The following MTHFD1L variants were observed in gnomAD, a reference collection of about 807,000 sequenced individuals.
MTHFD1L encodes monofunctional C1-tetrahydrofolate synthase, mitochondrial.
MTHFD1L carries 81 observed loss-of-function variants against 119.5 expected under a neutral mutation model. That is an observed-to-expected ratio of 0.68 (90% CI 0.57 to 0.82). The LOEUF (loss-of-function observed/expected upper bound fraction) is 0.82, where lower values mean the gene tolerates loss of function less well. Among genes scored for constraint, MTHFD1L ranks in the 40% least tolerant of loss-of-function variants. The pLI is 0.00. For missense variants in MTHFD1L, 1,125 were observed against 1,253.4 expected, an observed-to-expected ratio of 0.90 and a Z score of 1.55; for synonymous variants, 430 against 475.2, an observed-to-expected ratio of 0.90 and a Z score of 1.24.
In MTHFD1L at chr6:150,905,873, A is replaced by G. The variant is rs1785818672; in HGVS notation, c.892+112A>G. The G allele has an allele frequency of 4.9e-6, 4 of 822,106 alleles. No individual in the cohort carries two copies. The East Asian group carries it at 7.9e-5, about 16-fold the overall frequency. 50.9% of individuals were successfully genotyped at this position (822,106 alleles called of 1,614,324 possible). A position where few individuals can be genotyped will look rare whatever the true frequency, so the allele number is the denominator to read the frequency against. ...TGAAATGTTAGCAGTCGTCAACATT[A>G]ATATATAGGGTAGGAAACTTAGACT... On this transcript the variant is annotated intron_variant, in intron 8 of 27. Coordinates refer to ENST00000367321, the MANE Select transcript of MTHFD1L (RefSeq NM_015440.5).
intron 1 of MTHFD1L, among the ~76,000 whole-genome samples, chr6:150,867,794 C>CTTTTTTTT (rs35396368): frequency 3.1e-4 from 36 of 115,926 alleles, no homozygotes; most frequent in African/African-American, 1.2e-3. Flanking sequence ...CATACATATT[C>CTTTTTTTT]TTTTTTTTTT....
chr6:150,932,771 T>C (rs1791286215), intron 11 of MTHFD1L, among the ~76,000 whole-genome samples: 1 of 109,112 alleles, frequency 9.2e-6, no homozygotes, highest in African/African-American at 4.6e-5. Context: ...TCCATGTGTC[T>C]CCAAAAAAAA....
At chr6:150,941,339 G>A (rs1349254696) in intron 13 of MTHFD1L, among the ~76,000 whole-genome samples, 1 of 152,206 alleles carries the variant, frequency 6.6e-6, no homozygotes, top group Non-Finnish European at 1.5e-5. Flanking sequence ...GCTCTGTCGA[G>A]CGATTGCAAT....
intron 11 of MTHFD1L, among the ~76,000 whole-genome samples, chr6:150,933,393 G>A (rs1791494882): frequency 6.6e-6 from 1 of 151,932 alleles, no homozygotes; most frequent in Admixed American, 6.6e-5. Context: ...ATGCCTGTGG[G>A]CTTTTAACTG....
intron 15 of MTHFD1L, 135 bp downstream of exon 15, chr6:150,945,676 G>A (rs1793811929): frequency 2.7e-6 from 2 of 748,382 alleles, no homozygotes; most frequent in Non-Finnish European, 2.2e-6. Context: ...ACTCTATAGA[G>A]ACCGAACACT....
Position 150,865,933 on chromosome 6 carries a change from A to AGGC in MTHFD1L, c.120_122dup (p.Gly42dup), listed in dbSNP as rs1778218573. The AGGC allele has an allele frequency of 3.2e-5, 38 of 1,205,878 alleles. No individual in the cohort carries two copies. Among genetic ancestry groups the AGGC allele is most frequent in the Non-Finnish European group, 3.9e-5 (38 of 975,060 alleles). 74.7% of individuals were successfully genotyped at this position (1,205,878 alleles called of 1,614,324 possible). ...GTCGCGCTAGCAGCGGCGGCGGCGG[A>AGGC]GGCGGCGGCGGTGGCCGGGAGGGCC... On this transcript the variant is annotated inframe_insertion, in exon 1 of 28. Transcript: ENST00000367321.
At chr6:150,967,655 G>GT (rs1797414661) in intron 19 of MTHFD1L, among the ~76,000 whole-genome samples, 1 of 152,110 alleles carries the variant, frequency 6.6e-6, no homozygotes, top group Admixed American at 6.6e-5. Flanking sequence ...CTAGAGGCCT[G>GT]TTTTCCCTTC....
chr6:150,965,829 C>A (rs1797131187), intron 19 of MTHFD1L, among the ~76,000 whole-genome samples: 2 of 152,020 alleles, frequency 1.3e-5, no homozygotes, highest in Admixed American at 1.3e-4. Flanking sequence ...ACAATAAATG[C>A]CAAGACTTTC....
rs1189154661 is a variant in MTHFD1L at position 151,009,922 on chromosome 6, G to A, written c.2229G>A (p.Thr743=). Residue 743 remains threonine (T), a synonymous_variant, in exon 21 of 28, where the codon ACG becomes ACA. Coordinates refer to ENST00000367321, the MANE Select transcript of MTHFD1L (RefSeq NM_015440.5). ...CCAACGTGGTTGTGTTAGTGGCAAC[G>A]GTGCGAGCTCTGAAGATGCATGGAG... ...LVPNVVVLVA[T]VRALKMHGGG... is the part of the protein sequence containing the mutation. 5.0e-6 allele frequency: 8 copies of A among 1,613,420 alleles called. No homozygotes were observed. The East Asian group carries it at 1.1e-4, about 22-fold the overall frequency.
intron 26 of MTHFD1L, among the ~76,000 whole-genome samples, chr6:151,065,203 G>A (rs1242679735): frequency 6.6e-6 from 1 of 152,186 alleles, no homozygotes; most frequent in Non-Finnish European, 1.5e-5. Flanking sequence ...CTGACAGCTA[G>A]GGGCATGTTA....
At position 150,973,024 on chromosome 6, in the gene MTHFD1L, C is replaced by T. The variant is rs192383863; in HGVS notation, c.2125+966C>T. 2.7e-3 allele frequency among the ~76,000 whole-genome samples: 410 copies of T among 152,340 alleles called. 7 individuals carry two copies. Among genetic ancestry groups the T allele is most frequent in the Admixed American group, 0.021 (327 of 15,298 alleles). On this transcript the variant is annotated intron_variant, in intron 20 of 27. Coordinates refer to ENST00000367321, the MANE Select transcript of MTHFD1L (RefSeq NM_015440.5). ...GGAAACAAAAGACAAAACCAAAACA[C>T]AGGCATTCATGGAGGAGTCCCTTAA...
rs138287224 is a variant in MTHFD1L, at chr6:151,015,587, C to G, written c.2480C>G (p.Pro827Arg). 15 of 1,613,974 alleles carry G rather than the reference C, an allele frequency of 9.3e-6. No individual in the cohort carries two copies. The African/African-American group carries it at 1.5e-4, about 16-fold the overall frequency. Reference protein sequence around the residue: ...AKRAGAFDAVPCYHWSVGGKG... With the variant: ...AKRAGAFDAVRCYHWSVGGKG... ...CGGGCTGGTGCCTTTGATGCAGTCC[C>G]CTGCTATCACTGGTCCGTTGGTGGA... The change falls in exon 24 of 28, where the codon CCC becomes CGC. Residue 827 changes from proline (P) to arginine (R), a missense_variant. Coordinates refer to ENST00000367321, the MANE Select transcript of MTHFD1L (RefSeq NM_015440.5).
intron 11 of MTHFD1L, among the ~76,000 whole-genome samples, chr6:150,929,550 T>G (rs1303470379): frequency 6.6e-6 from 1 of 152,196 alleles, no homozygotes; most frequent in Non-Finnish European, 1.5e-5. Flanking sequence ...TGATACTGTT[T>G]TCAGGTTCCT....
intron 7 of MTHFD1L, among the ~76,000 whole-genome samples, chr6:150,894,877 G>A (rs1353052176): frequency 1.3e-5 from 2 of 152,188 alleles, no homozygotes; most frequent in Non-Finnish European, 2.9e-5. Context: ...TGTAACTTAC[G>A]CCCGTTGAGG....
chr6:151,092,405 A>G, intron 26 of MTHFD1L, 62 bp from the exon 27 acceptor site: 1 of 1,283,156 alleles, frequency 7.8e-7, no homozygotes, highest in Non-Finnish European at 1.1e-6. Context: ...AATTTGCATC[A>G]TCAGATGTTG....
Position 150,871,859 on chromosome 6 carries a change from T to A in MTHFD1L, c.228-4231T>A, listed in dbSNP as rs577127621. ...ATTTTATTTTATTTTAATTTTATTT[T>A]ATTTTATTTTAATTTAATTTTATTT... is the stretch of plus-strand genomic sequence containing the variant. On this transcript the variant is annotated intron_variant, in intron 1 of 27. Coordinates refer to ENST00000367321, the MANE Select transcript of MTHFD1L (RefSeq NM_015440.5). 6.6e-5 allele frequency among the ~76,000 whole-genome samples: 10 copies of A among 150,790 alleles called. No individual in the cohort carries two copies. In the South Asian group the frequency reaches 8.4e-4, roughly 13 times the overall value.
chr6:151,010,926 G>A (rs1035350399), intron 21 of MTHFD1L, among the ~76,000 whole-genome samples: 7 of 152,206 alleles, frequency 4.6e-5, no homozygotes, highest in Non-Finnish European at 7.3e-5. Flanking sequence ...ATGAAACGCT[G>A]TAAAGCAATT....
intron 25 of MTHFD1L, among the ~76,000 whole-genome samples, chr6:151,035,405 C>T (rs916053545): frequency 6.6e-6 from 1 of 152,192 alleles, no homozygotes; most frequent in Non-Finnish European, 1.5e-5. Context: ...AAAAAATCTC[C>T]AACTCCTTAT....
Position 151,056,609 on chromosome 6 carries a change from G to A in MTHFD1L, c.2847+19492G>A, listed in dbSNP as rs115098112. 3.9e-3 allele frequency among the ~76,000 whole-genome samples: 592 copies of A among 152,280 alleles called. 8 individuals are homozygous for A. Among genetic ancestry groups the A allele is most frequent in the African/African-American group, 0.012 (490 of 41,558 alleles). ...CTTCAGCGACGTGTTCTATAACGTC[G>A]TGTTCTTGTCACCTTTTGAGGGACA... is the stretch of plus-strand genomic sequence containing the variant. On this transcript the variant is annotated intron_variant, in intron 26 of 27. Coordinates refer to ENST00000367321, the MANE Select transcript of MTHFD1L (RefSeq NM_015440.5).
Sources: gnomAD v4.1 joint callset for allele counts (sites outside exome capture counted in the v4.1 genomes callset) on GRCh38, gnomAD v4.1.1 for gene constraint, MANE v1.5 for transcripts, NCBI Gene and HGNC (gene_info 2026-07-23, HGNC 2026-07-21) for gene names.